Variants in PEX7 observed in about 807,000 individuals in gnomAD.
PEX7 encodes PTS2 receptor.
A neutral mutation model predicts 47.5 loss-of-function variants in PEX7; 34 were observed. The observed-to-expected ratio is 0.72, with a 90% confidence interval of 0.54 to 0.95. The LOEUF is 0.95. PEX7 is among the 40% of genes least tolerant of loss of function. The probability of loss-of-function intolerance (pLI) is 0.00; values close to 1 mark genes in which losing one functional copy is unlikely to be tolerated. For missense variants in PEX7, 394 were observed against 400.3 expected (o/e 0.98, Z 0.13); for synonymous variants, 141 against 148.8 (o/e 0.95, Z 0.38).
At chr6:136,891,733 T>G (rs1043600136) in intron 8 of PEX7, among the ~76,000 whole-genome samples, 3 of 151,658 alleles carry the variant, frequency 2.0e-5, no homozygotes, top group South Asian at 2.1e-4. Context: ...CTCTACCTCC[T>G]GGGCTCAAGC....
intron 6 of PEX7, among the ~76,000 whole-genome samples, chr6:136,869,140 GTC>G (rs1775127419): frequency 6.6e-6 from 1 of 152,178 alleles, no homozygotes; most frequent in Admixed American, 6.6e-5. Context: ...GCCCAGGCTG[GTC>G]TCAAACTCCT....
intron 5 of PEX7, among the ~76,000 whole-genome samples, chr6:136,854,243 C>T (rs2115188291): frequency 6.6e-6 from 1 of 152,262 alleles, no homozygotes; most frequent in Non-Finnish European, 1.5e-5. Context: ...GTCGCCCAGG[C>T]TGGAGTGCAG....
chr6:136,848,774 G>A (rs1361308681), intron 5 of PEX7, among the ~76,000 whole-genome samples: 1 of 152,096 alleles, frequency 6.6e-6, no homozygotes, highest in East Asian at 1.9e-4. Context: ...GAGGATTTTT[G>A]CATTGATGTT....
At chr6:136,892,382 G>T (rs1395205802) in intron 8 of PEX7, among the ~76,000 whole-genome samples, 1 of 152,106 alleles carries the variant, frequency 6.6e-6, no homozygotes, top group Non-Finnish European at 1.5e-5. Flanking sequence ...AAATTTTCTG[G>T]CATGACCTAG....
At position 136,903,446 on chromosome 6, in the gene PEX7, C is replaced by T. The variant is rs553010401; in HGVS notation, c.903+5205C>T. Among the ~76,000 whole-genome samples, 73 of 150,032 alleles carry T rather than the reference C, an allele frequency of 4.9e-4. 2 individuals are homozygous for T. Among genetic ancestry groups the T allele is most frequent in the African/African-American group, 1.8e-3 (73 of 40,840 alleles). On this transcript the variant is annotated intron_variant, in intron 9 of 9. Transcript: ENST00000318471. ...CTGCCTCGGCCTCCCAAAGTGCTGG[C>T]ATTATAGGCATGAGCTACCATGCCC...
In PEX7 at chr6:136,900,864, A is replaced by AC; in HGVS notation, c.903+2623_903+2624insC. On this transcript the variant is annotated intron_variant, in intron 9 of 9. Transcript: ENST00000318471. This position sits in a 1 kb window ranked among gnomAD's most constrained non-coding sequence, Gnocchi z 4.2. ...TTCTCTTGCTTTGTCTCTGGTCTGT[A>AC]TTATGGGCCAGCTTATGTAGTTGAG... is the stretch of plus-strand genomic sequence containing the variant. The AC allele has an allele frequency of 3.6e-6, 1 of 280,112 alleles. No homozygotes were observed. Among genetic ancestry groups the AC allele is most frequent in the South Asian group, 4.0e-5 (1 of 25,154 alleles). 17.4% of individuals were successfully genotyped at this position (280,112 alleles called of 1,614,324 possible).
chr6:136,878,981 C>T (rs777310571), intron 8 of PEX7, among the ~76,000 whole-genome samples: 4 of 151,724 alleles, frequency 2.6e-5, no homozygotes, highest in African/African-American at 9.7e-5. Flanking sequence ...AAAAATTAAC[C>T]GTTTATTGCC....
intron 5 of PEX7, among the ~76,000 whole-genome samples, chr6:136,855,480 C>T (rs567532512): frequency 1.5e-4 from 23 of 152,020 alleles, no homozygotes; most frequent in Non-Finnish European, 2.8e-4. Context: ...GCTGGGATTA[C>T]AGGCACGTGC....
chr6:136,863,111 T>C (rs892198608), intron 5 of PEX7, among the ~76,000 whole-genome samples: 1 of 152,236 alleles, frequency 6.6e-6, no homozygotes, highest in African/African-American at 2.4e-5. Flanking sequence ...GTACCAATTC[T>C]GAACAATTTC....
intron 1 of PEX7, 171 bp downstream of exon 1, chr6:136,822,966 T>A (rs1774110265): frequency 2.0e-6 from 2 of 985,316 alleles, no homozygotes; most frequent in African/African-American, 3.5e-5. Context: ...CTTTGCCGAG[T>A]GCGAGGAGTT....
chr6:136,849,783 A>G (rs949813373), intron 5 of PEX7, among the ~76,000 whole-genome samples: 1 of 152,160 alleles, frequency 6.6e-6, no homozygotes, highest in African/African-American at 2.4e-5. Context: ...GTATGTGGTC[A>G]GTTTTGGAAT....
intron 9 of PEX7, among the ~76,000 whole-genome samples, chr6:136,908,004 A>C (rs928047958): frequency 1.3e-5 from 2 of 152,160 alleles, no homozygotes; most frequent in Non-Finnish European, 2.9e-5. Context: ...CTTTGGATTT[A>C]TGTAGCATTT....
chr6:136,891,726 T>C (rs2115263063), intron 8 of PEX7, among the ~76,000 whole-genome samples: 1 of 151,694 alleles, frequency 6.6e-6, no homozygotes, highest in South Asian at 2.1e-4. Flanking sequence ...CTGCAGCCTC[T>C]ACCTCCTGGG....
At chr6:136,885,583 A>T (rs1775455278) in intron 8 of PEX7, among the ~76,000 whole-genome samples, 2 of 152,200 alleles carry the variant, frequency 1.3e-5, no homozygotes, top group African/African-American at 4.8e-5. Context: ...ATTCAGGCAT[A>T]TTTACAGAAT....
intron 8 of PEX7, among the ~76,000 whole-genome samples, chr6:136,878,030 A>C (rs916080629): frequency 1.3e-5 from 2 of 152,116 alleles, no homozygotes; most frequent in African/African-American, 4.8e-5. Context: ...ATCCCTTGTA[A>C]GTTGGATTCC....
intron 8 of PEX7, among the ~76,000 whole-genome samples, chr6:136,887,809 T>C (rs1304268023): frequency 6.6e-6 from 1 of 152,228 alleles, no homozygotes. Context: ...AATGTTATTA[T>C]TTAATGATAT....
intron 5 of PEX7, among the ~76,000 whole-genome samples, chr6:136,858,464 C>G (rs931966051): frequency 6.6e-6 from 1 of 152,098 alleles, no homozygotes; most frequent in Non-Finnish European, 1.5e-5. Flanking sequence ...ACTAGTCCAG[C>G]GATTCTAGAA....
intron 7 of PEX7, among the ~76,000 whole-genome samples, 181 bp downstream of exon 7, chr6:136,870,184 G>A (rs1775148789): frequency 6.6e-6 from 1 of 152,108 alleles, no homozygotes; most frequent in African/African-American, 2.4e-5. Flanking sequence ...TTTGAATAAT[G>A]ATTGAATGAA....
At chr6:136,865,147 C>G (rs1245994887) in intron 5 of PEX7, among the ~76,000 whole-genome samples, 1 of 152,114 alleles carries the variant, frequency 6.6e-6, no homozygotes, top group Non-Finnish European at 1.5e-5. Context: ...AAAGTGTAAT[C>G]TTTAAATGTT....
Sources: allele counts gnomAD v4.1 joint callset (sites outside exome capture counted in the v4.1 genomes callset), GRCh38; gene constraint gnomAD v4.1.1; non-coding constraint Gnocchi (gnomAD v3.1); transcripts MANE v1.5; gene names NCBI Gene and HGNC (gene_info 2026-07-23, HGNC 2026-07-21).